Variants in LDHAL6A observed in about 807,000 individuals in gnomAD.
LDHAL6A encodes the protein L-lactate dehydrogenase A-like 6A.
LDHAL6A carries 19 observed loss-of-function variants against 28.2 expected under a neutral mutation model. That is an observed-to-expected ratio of 0.67 (90% CI 0.47 to 0.99). LDHAL6A has a LOEUF of 0.99. Among genes scored for constraint, LDHAL6A ranks in the 50% least tolerant of loss-of-function variants. LDHAL6A has a pLI of 0.00. For missense variants in LDHAL6A, 372 were observed against 398.6 expected (o/e 0.93, Z 0.57); for synonymous variants, 144 against 134.4 (o/e 1.07, Z -0.49).
intron 3 of LDHAL6A, among the ~76,000 whole-genome samples, chr11:18,472,407 G>A (rs1477416879): frequency 6.6e-6 from 1 of 152,164 alleles, no homozygotes; most frequent in Non-Finnish European, 1.5e-5. Flanking sequence ...GGGAACAGAA[G>A]CTCTAACTTT....
intron 3 of LDHAL6A, chr11:18,468,990 G>C (rs746211201): frequency 2.6e-6 from 1 of 391,320 alleles, no homozygotes; most frequent in Non-Finnish European, 4.5e-6. Flanking sequence ...GTAGTCCGGC[G>C]CTACAAGGAA....
chr11:18,460,594 C>CA (rs34780803), intron 1 of LDHAL6A, among the ~76,000 whole-genome samples: 19,591 of 90,146 alleles, frequency 0.22, 2,034 homozygotes, highest in African/African-American at 0.31. Context: ...AACTCCGTCT[C>CA]AAAAAAAAAA....
Position 18,479,290 on chromosome 11 carries a change from T to G in LDHAL6A, c.*420T>G, listed in dbSNP as rs1446502900. ...CACTGTGCCTGGCCTTAGCTTTGAT[T>G]TAGTATCCAGATGATAGATGACACT... On this transcript the variant is annotated 3_prime_UTR_variant, in exon 7 of 7. Transcript: ENST00000280706. 1 of 152,780 alleles carries G rather than the reference T, an allele frequency of 6.5e-6. No homozygotes were observed. The highest frequency in any genetic ancestry group is 1.5e-5 in the Non-Finnish European group (1 of 68,578). 9.5% of individuals were successfully genotyped at this position (152,780 alleles called of 1,614,324 possible).
At chr11:18,462,829 CA>C (rs1848961063) in intron 1 of LDHAL6A, among the ~76,000 whole-genome samples, 1 of 137,808 alleles carries the variant, frequency 7.3e-6, no homozygotes, top group Non-Finnish European at 1.5e-5. Context: ...CAAGAGACTC[CA>C]TCTCAAAAAA....
intron 1 of LDHAL6A, 28 bp from the exon 2 acceptor site, chr11:18,463,933 C>T (rs752178734): frequency 1.4e-6 from 2 of 1,392,890 alleles, no homozygotes; most frequent in African/African-American, 2.8e-5. Flanking sequence ...GATACACTCA[C>T]ACCCATTGGA....
chr11:18,466,559 C>T lies in LDHAL6A; in HGVS notation c.418+749C>T, dbSNP rs532440007. Among the ~76,000 whole-genome samples, 15 of 146,410 alleles carry T rather than the reference C, an allele frequency of 1.0e-4. No homozygotes were observed. The South Asian group carries it at 1.1e-3, about 11-fold the overall frequency. The stretch of plus-strand genomic sequence containing the variant: ...GTCCCAGCTACTCAGGAGGCTGAGG[C>T]GGGAGGATTGCTTCAGCCAGGGAGG... On this transcript the variant is annotated intron_variant, in intron 3 of 6. Coordinates refer to ENST00000280706, the MANE Select transcript of LDHAL6A (RefSeq NM_144972.5).
chr11:18,465,929 G>A (rs1849060871), intron 3 of LDHAL6A, 119 bp downstream of exon 3: 16 of 762,598 alleles, frequency 2.1e-5, no homozygotes, highest in South Asian at 1.5e-4. Flanking sequence ...TGCCACCCAG[G>A]TACTGAGCAA....
At chr11:18,468,208 G>A (rs1335477890) in intron 3 of LDHAL6A, 1 of 150,550 alleles carries the variant, frequency 6.6e-6, no homozygotes, top group East Asian at 1.9e-4. Flanking sequence ...TATTTAATAA[G>A]TTGTTTTTCT....
chr11:18,455,858 T>C lies in LDHAL6A; in HGVS notation c.-823T>C, dbSNP rs1848737546. On this transcript the variant is annotated 5_prime_UTR_variant, in exon 1 of 7. Coordinates refer to ENST00000280706, the MANE Select transcript of LDHAL6A (RefSeq NM_144972.5). ...GCAGGCGCGGTGCTTCGCAGCCCGC[T>C]TCCGGCCTCACACCTGCCAAGCATC... 6.7e-6 allele frequency: 1 copy of C among 150,224 alleles called. No individual in the cohort carries two copies. Among genetic ancestry groups the C allele is most frequent in the African/African-American group, 2.5e-5 (1 of 40,098 alleles). 9.3% of individuals were successfully genotyped at this position (150,224 alleles called of 1,614,324 possible).
intron 3 of LDHAL6A, among the ~76,000 whole-genome samples, chr11:18,466,906 G>C (rs1849088664): frequency 6.6e-6 from 1 of 152,176 alleles, no homozygotes; most frequent in South Asian, 2.1e-4. Context: ...TGTCTAGTGA[G>C]AGAAAGGGAG....
chr11:18,470,287 A>G (rs1180890020), intron 3 of LDHAL6A, among the ~76,000 whole-genome samples: 2 of 152,258 alleles, frequency 1.3e-5, no homozygotes, highest in Non-Finnish European at 2.9e-5. Context: ...CAATCTGGGT[A>G]GAGAGGGGTT....
At chr11:18,464,221 G>A in intron 2 of LDHAL6A, 143 bp downstream of exon 2, 1 of 584,276 alleles carries the variant, frequency 1.7e-6, no homozygotes, top group South Asian at 2.1e-5. Context: ...AACGTGTTCA[G>A]ATTCCTTGGG....
chr11:18,456,731 C>T lies in LDHAL6A; in HGVS notation c.51C>T (p.Ala17=), dbSNP rs1321850140. ...TTAAGAATTTCGCGGAAGAGGAGGC[C>T]ATTCATCACAATAAGATCTCCATTG... ...ELIKNFAEEE[A]IHHNKISIVG... The change falls in exon 1 of 7, where the codon GCC becomes GCT. Residue 17 remains alanine, a synonymous_variant. Transcript: ENST00000280706. 1 of 1,613,590 alleles carries T rather than the reference C, an allele frequency of 6.2e-7. No individual in the cohort carries two copies. Among genetic ancestry groups the T allele is most frequent in the African/African-American group, 1.3e-5 (1 of 74,906 alleles).
In LDHAL6A at chr11:18,477,627, G is replaced by A. The variant is rs79046871; in HGVS notation, c.718G>A (p.Glu240Lys). Reference protein sequence around the residue: ...VHKKVISSGYEMVKMKGYTSW... With the variant: ...VHKKVISSGYKMVKMKGYTSW... The stretch of plus-strand genomic sequence containing the variant: ...GGTTTCTTCTATCTACAGTGGCTAT[G>A]AGATGGTCAAAATGAAAGGTTATAC... Residue 240 changes from glutamate to lysine, a missense_variant, in exon 6 of 7, where the codon GAG (glutamate) becomes AAG (lysine). Glu to Lys is a moderately conservative substitution (Grantham distance 56, BLOSUM62 1). Around this residue, in one of 3 missense-constraint regions of LDHAL6A, gnomAD observed 291 missense variants for 302.9 expected, o/e 0.96. Coordinates refer to ENST00000280706, the MANE Select transcript of LDHAL6A (RefSeq NM_144972.5). The A allele has an allele frequency of 6.2e-7, 1 of 1,608,114 alleles. No individual in the cohort carries two copies. The highest frequency in any genetic ancestry group is 1.1e-5 in the South Asian group (1 of 89,766).
intron 3 of LDHAL6A, among the ~76,000 whole-genome samples, chr11:18,467,926 C>CATATATATATATATATATACACACAT (rs1292809923): frequency 3.6e-5 from 2 of 55,452 alleles, no homozygotes; most frequent in African/African-American, 9.6e-5. Context: ...TATACACACA[C>CATATATATATATATATATACACACAT]ATATATATAT....
rs1331830119 is a variant in LDHAL6A, at chr11:18,467,878, CACATATATATAT to C, written c.418+2070_418+2081del. Among the ~76,000 whole-genome samples, 36 of 36,324 alleles carry C rather than the reference CACATATATATAT, an allele frequency of 9.9e-4. 2 individuals carry two copies. The highest frequency in any genetic ancestry group is 4.0e-3 in the African/African-American group (33 of 8,266). The allele number at this position is 36,324 out of a possible 152,430, so 23.8% of individuals were successfully genotyped here. ...CTCAAAAAAAATATATATATATACA[CACATATATATAT>C]ATATATATATATATATATATATATA... On this transcript the variant is annotated intron_variant, in intron 3 of 6. Coordinates refer to ENST00000280706, the MANE Select transcript of LDHAL6A (RefSeq NM_144972.5).
intron 3 of LDHAL6A, among the ~76,000 whole-genome samples, chr11:18,467,932 TATATACAC>T (rs1849130367): frequency 1.3e-5 from 1 of 77,990 alleles, no homozygotes; most frequent in East Asian, 7.5e-4. Context: ...CACACATATA[TATATACAC>T]ACACATATAT....
At chr11:18,457,962 A>T (rs537541534) in intron 1 of LDHAL6A, among the ~76,000 whole-genome samples, 1 of 152,346 alleles carries the variant, frequency 6.6e-6, no homozygotes, top group East Asian at 1.9e-4. Context: ...ACTATCTCTA[A>T]TTGCATGAAT....
chr11:18,463,085 G>C (rs1358172831), intron 1 of LDHAL6A, among the ~76,000 whole-genome samples: 4 of 152,002 alleles, frequency 2.6e-5, no homozygotes, highest in African/African-American at 9.7e-5. Flanking sequence ...ATATTTTTGA[G>C]TTGGAAGGAG....
Sources: gnomAD v4.1 joint callset for allele counts (sites outside exome capture counted in the v4.1 genomes callset) on GRCh38, gnomAD v4.1.1 for gene constraint, gnomAD v4.1.1 regional missense constraint, MANE v1.5 for transcripts, NCBI Gene and HGNC (gene_info 2026-07-23, HGNC 2026-07-21) for gene names.